The following TMEM50A variants were observed in gnomAD, a reference collection of about 807,000 sequenced individuals.
TMEM50A encodes the protein cervical cancer oncogene 9.
A neutral mutation model predicts 23.9 loss-of-function variants in TMEM50A; 8 were observed. That is an observed-to-expected ratio of 0.33 (90% confidence interval 0.20 to 0.60). The LOEUF is 0.60. Ranked by LOEUF, TMEM50A falls within the 20% of genes least tolerant of loss-of-function variation. The pLI, the probability that TMEM50A is intolerant of heterozygous loss-of-function variation, is 0.81. For synonymous variants in TMEM50A, 55 were observed against 60.4 expected (o/e 0.91, Z 0.41); for missense variants, 178 against 192.7 (o/e 0.92, Z 0.45).
intron 1 of TMEM50A, among the ~76,000 whole-genome samples, chr1:25,339,355 T>G (rs1457410624): frequency 6.6e-6 from 1 of 152,248 alleles, no homozygotes; most frequent in African/African-American, 2.4e-5. Context: ...CAGTTGGATT[T>G]TTGTAATCTG....
At chr1:25,348,883 A>G (rs1645248607) in intron 3 of TMEM50A, among the ~76,000 whole-genome samples, 1 of 152,098 alleles carries the variant, frequency 6.6e-6, no homozygotes, top group African/African-American at 2.4e-5. Flanking sequence ...CAGTCCAAAA[A>G]CTATTAGGTG....
chr1:25,353,147 A>G (rs1175877900), intron 5 of TMEM50A, among the ~76,000 whole-genome samples, 173 bp downstream of exon 5: 1 of 152,090 alleles, frequency 6.6e-6, no homozygotes, highest in Non-Finnish European at 1.5e-5. Flanking sequence ...TTTGTCTTAT[A>G]TATTTTTAGT....
chr1:25,357,049 T>C (rs879825960), intron 6 of TMEM50A, among the ~76,000 whole-genome samples, 196 bp downstream of exon 6: 3 of 152,172 alleles, frequency 2.0e-5, no homozygotes, highest in African/African-American at 7.2e-5. Context: ...TAGGAGCATA[T>C]ATTAATTTTT....
chr1:25,354,834 C>T (rs539260344), intron 5 of TMEM50A, among the ~76,000 whole-genome samples: 65 of 151,934 alleles, frequency 4.3e-4, no homozygotes, highest in South Asian at 1.2e-3. Context: ...TGCAGTGATG[C>T]GATCTCAGCT....
chr1:25,351,540 A>C, intron 3 of TMEM50A, 86 bp from the exon 4 acceptor site: 1 of 1,209,036 alleles, frequency 8.3e-7, no homozygotes, highest in Non-Finnish European at 1.2e-6. Context: ...TTCAGGCCTA[A>C]CCTTACATTT....
At chr1:25,348,557 C>T (rs967770216) in intron 3 of TMEM50A, among the ~76,000 whole-genome samples, 2 of 151,836 alleles carry the variant, frequency 1.3e-5, no homozygotes, top group African/African-American at 4.8e-5. Flanking sequence ...TGGTGACACG[C>T]GCCTGTGGTC....
At chr1:25,349,427 C>T (rs1645254553) in intron 3 of TMEM50A, among the ~76,000 whole-genome samples, 1 of 152,066 alleles carries the variant, frequency 6.6e-6, no homozygotes. Context: ...GAACCAGTAA[C>T]CCAAGAACAT....
chr1:25,345,555 G>A (rs1206950312), intron 3 of TMEM50A, among the ~76,000 whole-genome samples: 6 of 151,814 alleles, frequency 4.0e-5, no homozygotes, highest in African/African-American at 1.5e-4. Context: ...ACTCCAGCCT[G>A]GGCGACAGAG....
chr1:25,349,753 C>T (rs1456372559), intron 3 of TMEM50A, among the ~76,000 whole-genome samples: 2 of 152,184 alleles, frequency 1.3e-5, no homozygotes, highest in African/African-American at 4.8e-5. Flanking sequence ...CCAGGCCTGA[C>T]CTAAACACAT....
At chr1:25,346,812 A>G (rs1438685972) in intron 3 of TMEM50A, among the ~76,000 whole-genome samples, 1 of 152,008 alleles carries the variant, frequency 6.6e-6, no homozygotes, top group African/African-American at 2.4e-5. Context: ...TGAGGTCAGG[A>G]GTTCAAGACC....
chr1:25,342,736 T>G (rs1645179498), intron 2 of TMEM50A: 1 of 305,536 alleles, frequency 3.3e-6, no homozygotes, highest in Non-Finnish European at 6.1e-6. Flanking sequence ...AAAAATTAAA[T>G]AATGATTGAA....
At chr1:25,355,607 G>A (rs1460789651) in intron 5 of TMEM50A, among the ~76,000 whole-genome samples, 1 of 152,152 alleles carries the variant, frequency 6.6e-6, no homozygotes, top group East Asian at 1.9e-4. Context: ...AGCCATTCTA[G>A]TGGTAATGGT....
Position 25,361,682 on chromosome 1 carries a change from CT to C in TMEM50A, c.*980del, listed in dbSNP as rs1226831606. 3 of 152,364 alleles carry C rather than the reference CT, an allele frequency of 2.0e-5. No individual in the cohort carries two copies. The highest frequency in any genetic ancestry group is 7.2e-5 in the African/African-American group (3 of 41,430). 9.4% of individuals were successfully genotyped at this position (152,364 alleles called of 1,614,324 possible). On this transcript the variant is annotated 3_prime_UTR_variant, in exon 7 of 7. Transcript: ENST00000374358. ...TCTTCAGGACCACAGTTTGAAATGT[CT>C]TTCATAAAATGTGCTACAATTAGCC...
intron 2 of TMEM50A, among the ~76,000 whole-genome samples, chr1:25,342,113 C>G (rs1342517161): frequency 6.6e-6 from 1 of 152,074 alleles, no homozygotes; most frequent in African/African-American, 2.4e-5. Flanking sequence ...TGTTATTAAT[C>G]GAGTATGGAT....
At chr1:25,351,814 G>A in intron 4 of TMEM50A, 121 bp downstream of exon 4, 1 of 819,064 alleles carries the variant, frequency 1.2e-6, no homozygotes, top group South Asian at 2.0e-5. Context: ...TTATTATTTT[G>A]AATCTATTGT....
intron 5 of TMEM50A, among the ~76,000 whole-genome samples, chr1:25,353,972 G>T (rs1280736083): frequency 6.6e-6 from 1 of 151,838 alleles, no homozygotes; most frequent in East Asian, 1.9e-4. Context: ...CCAAATATTT[G>T]TATTTTTAAT....
At chr1:25,360,632 CAT>C (rs764740637) in intron 6 of TMEM50A, 26 bp from the exon 7 acceptor site, 90 of 1,612,454 alleles carry the variant, frequency 5.6e-5, no homozygotes, top group Non-Finnish European at 6.8e-5. Context: ...TTCAGGGAGT[CAT>C]GTGATATTTC....
rs60773283 is a variant in TMEM50A at position 25,357,609 on chromosome 1, A to AGTGTGTGTGT, written c.428+787_428+796dup. ...GAGACAGAGTCTCAGTCTCTCACCC[A>AGTGTGTGTGT]GTGTGTGTGTGTGTGTGTGTGTGTG... is the stretch of plus-strand genomic sequence containing the variant. On this transcript the variant is annotated intron_variant, in intron 6 of 6. Transcript: ENST00000374358. 4.6e-3 allele frequency among the ~76,000 whole-genome samples: 511 copies of AGTGTGTGTGT among 111,526 alleles called. 5 individuals carry two copies. Among genetic ancestry groups the AGTGTGTGTGT allele is most frequent in the Middle Eastern group, 0.014 (3 of 220 alleles). 73.2% of individuals were successfully genotyped at this position (111,526 alleles called of 152,430 possible). A position where few individuals can be genotyped will look rare whatever the true frequency, so the allele number is the denominator to read the frequency against.
At position 25,356,865 on chromosome 1, in the gene TMEM50A, T is replaced by A; in HGVS notation, c.428+12T>A. On this transcript the variant is annotated intron_variant, in intron 6 of 6. Coordinates refer to ENST00000374358, the MANE Select transcript of TMEM50A (RefSeq NM_014313.4). ...TTCATCTTTTTTGGGTAAGTTTGTT[T>A]TGCATTCTTTATGTTTGTTTGTTTT... 1 of 1,577,916 alleles carries A rather than the reference T, an allele frequency of 6.3e-7. No homozygotes were observed.
Sources: allele counts gnomAD v4.1 joint callset (sites outside exome capture counted in the v4.1 genomes callset), GRCh38; gene constraint gnomAD v4.1.1; transcripts MANE v1.5; gene names NCBI Gene and HGNC (gene_info 2026-07-23, HGNC 2026-07-21).